The following TRAPPC8 variants were observed in gnomAD, a reference collection of about 807,000 sequenced individuals.
The protein encoded by TRAPPC8 is trafficking protein particle complex subunit 8.
In TRAPPC8, 54 loss-of-function variants were observed where a neutral mutation model predicts 174.3. That is an observed-to-expected ratio of 0.31 (90% CI 0.25 to 0.39). TRAPPC8 has a LOEUF of 0.39. TRAPPC8 is among the 10% of genes least tolerant of loss of function. The pLI is 1.00. For synonymous variants in TRAPPC8, 630 were observed against 579.9 expected (o/e 1.09, Z -1.24); for missense variants, 1,531 against 1,699.1 (o/e 0.90, Z 1.74).
At position 31,942,881 on chromosome 18, in the gene TRAPPC8, A is replaced by G. The variant is rs2084309496; in HGVS notation, c.-117T>C. 8.8e-6 allele frequency: 11 copies of G among 1,253,694 alleles called. No individual in the cohort carries two copies. The South Asian group carries it at 3.6e-4, about 41-fold the overall frequency. The allele number at this position is 1,253,694 out of a possible 1,614,324, so 77.7% of individuals were successfully genotyped here. A position where few individuals can be genotyped will look rare whatever the true frequency, so the allele number is the denominator to read the frequency against. ...CCTGGCCCGGCCGGGCGGGGCCCCGAACGCACTGGAGCCTAGAAACAAGAA... is the reference window on the plus strand; with the variant it reads ...CCTGGCCCGGCCGGGCGGGGCCCCGGACGCACTGGAGCCTAGAAACAAGAA... On this transcript the variant is annotated 5_prime_UTR_variant, in exon 1 of 29. Coordinates refer to ENST00000283351, the MANE Select transcript of TRAPPC8 (RefSeq NM_014939.5).
chr18:31,938,290 A>C (rs2038190390), intron 1 of TRAPPC8, among the ~76,000 whole-genome samples: 1 of 151,956 alleles, frequency 6.6e-6, no homozygotes, highest in Non-Finnish European at 1.5e-5. Context: ...TCAAACAATG[A>C]CTACATTAAC....
At position 31,941,269 on chromosome 18, in the gene TRAPPC8, CCT is replaced by C. The variant is rs748774873; in HGVS notation, c.157+1337_157+1338del. Among the ~76,000 whole-genome samples, 130 of 152,162 alleles carry C rather than the reference CCT, an allele frequency of 8.5e-4. 2 individuals carry two copies. The East Asian group carries it at 0.024, about 28-fold the overall frequency. The stretch of plus-strand genomic sequence containing the variant: ...ACCAACCTGACCAACATGGAGAAAC[CCT>C]GTCTCTACTAAAAATACAAAAATTA... On this transcript the variant is annotated intron_variant, in intron 1 of 28. Coordinates refer to ENST00000283351, the MANE Select transcript of TRAPPC8 (RefSeq NM_014939.5).
intron 12 of TRAPPC8, among the ~76,000 whole-genome samples, chr18:31,876,679 G>A (rs1247604137): frequency 6.6e-6 from 1 of 151,974 alleles, no homozygotes; most frequent in African/African-American, 2.4e-5. Flanking sequence ...GTTTGGCAGG[G>A]ATCGAGTGCT....
At chr18:31,887,816 T>G (rs190833042) in intron 12 of TRAPPC8, among the ~76,000 whole-genome samples, 61 of 151,982 alleles carry the variant, frequency 4.0e-4, no homozygotes, top group Middle Eastern at 3.4e-3. Context: ...CTCTCACCAC[T>G]GCTATTCAAC....
chr18:31,899,252 T>C (rs1012474647), intron 10 of TRAPPC8, among the ~76,000 whole-genome samples: 1 of 152,224 alleles, frequency 6.6e-6, no homozygotes, highest in African/African-American at 2.4e-5. Flanking sequence ...AAACCATTTA[T>C]CCCATATGGT....
intron 26 of TRAPPC8, among the ~76,000 whole-genome samples, chr18:31,844,790 ATTAC>A (rs1398182165): frequency 6.6e-6 from 1 of 152,104 alleles, no homozygotes; most frequent in Non-Finnish European, 1.5e-5. Context: ...CTCCGCACAA[ATTAC>A]TTACTATTAT....
intron 4 of TRAPPC8, among the ~76,000 whole-genome samples, chr18:31,915,243 C>T (rs1454463070): frequency 1.3e-5 from 2 of 152,004 alleles, no homozygotes; most frequent in East Asian, 3.9e-4. Context: ...CCAAGGCGGG[C>T]AGATCACCTG....
At chr18:31,848,060 A>T (rs1378675285) in intron 25 of TRAPPC8, among the ~76,000 whole-genome samples, 1 of 152,084 alleles carries the variant, frequency 6.6e-6, no homozygotes, top group African/African-American at 2.4e-5. Flanking sequence ...TAATCTAATG[A>T]ATCATTTTTA....
chr18:31,922,437 C>A (rs752727543), intron 2 of TRAPPC8, among the ~76,000 whole-genome samples: 2 of 150,702 alleles, frequency 1.3e-5, no homozygotes, highest in Non-Finnish European at 3.0e-5. Context: ...ACAAAAAGTA[C>A]AAAAATTAGT....
At chr18:31,884,770 G>T (rs543551648) in intron 12 of TRAPPC8, among the ~76,000 whole-genome samples, 13 of 152,182 alleles carry the variant, frequency 8.5e-5, no homozygotes, top group Non-Finnish European at 1.5e-4. Flanking sequence ...ACTTTGGGGG[G>T]CCAAGGTGGG....
chr18:31,851,639 G>C (rs1239335706), intron 24 of TRAPPC8, among the ~76,000 whole-genome samples: 1 of 151,866 alleles, frequency 6.6e-6, no homozygotes. Context: ...TTACAGGCAT[G>C]AGCCACCACA....
intron 12 of TRAPPC8, among the ~76,000 whole-genome samples, chr18:31,875,842 T>G (rs1482708215): frequency 6.6e-6 from 1 of 152,182 alleles, no homozygotes; most frequent in Non-Finnish European, 1.5e-5. Context: ...ATGTTCTCAC[T>G]CATATGTGGG....
chr18:31,839,313 T>G lies in TRAPPC8; in HGVS notation c.3982A>C (p.Ser1328Arg). ...TGGTAACAAAAATAAAGCTCAAACCTTTTTTGATGAAATGGATGATTAAAT... is the reference window on the plus strand; with the variant it reads ...TGGTAACAAAAATAAAGCTCAAACCGTTTTTGATGAAATGGATGATTAAAT... ...ESFNHPFHQK[S>R]LCLVPVTLLL... Residue 1328 changes from serine to arginine, a missense_variant and splice_region_variant, in exon 27 of 29, where the codon AGC (serine) becomes CGC (arginine). Coordinates refer to ENST00000283351, the MANE Select transcript of TRAPPC8 (RefSeq NM_014939.5). 2 of 1,593,214 alleles carry G rather than the reference T, an allele frequency of 1.3e-6. No individual in the cohort carries two copies. Among genetic ancestry groups the G allele is most frequent in the Non-Finnish European group, 1.7e-6 (2 of 1,172,576 alleles).
In TRAPPC8 at chr18:31,880,082, A is replaced by G. The variant is rs1230184684; in HGVS notation, c.1729-5378T>C. Among the ~76,000 whole-genome samples the G allele has an allele frequency of 6.2e-3, 243 of 39,446 alleles. 2 individuals carry two copies. Among genetic ancestry groups the G allele is most frequent in the African/African-American group, 0.036 (229 of 6,406 alleles). 25.9% of individuals were successfully genotyped at this position (39,446 alleles called of 152,430 possible). ...GGTACCAATTTTACTGAAACTATTG[A>G]AAAAAAAAATATATATATATATATA... On this transcript the variant is annotated intron_variant, in intron 12 of 28. Coordinates refer to ENST00000283351, the MANE Select transcript of TRAPPC8 (RefSeq NM_014939.5).
At position 31,832,114 on chromosome 18, in the gene TRAPPC8, A is replaced by G. The variant is rs2032408065; in HGVS notation, c.4043T>C (p.Val1348Ala). The change falls in exon 28 of 29, where the codon GTC (valine) becomes GCC (alanine). Residue 1348 changes from valine to alanine, a missense_variant. Physicochemically the swap from Val to Ala is moderately conservative, Grantham distance 64 (BLOSUM62 0). Transcript: ENST00000283351. ...LSNCSKADVD[V>A]IVDLRHKTTS... The stretch of plus-strand genomic sequence containing the variant: ...TGTTTTATGCCGAAGATCAACTATG[A>G]CATCTACATCAGCCTTAGAACAATT... 1.3e-6 allele frequency: 2 copies of G among 1,560,764 alleles called. No homozygotes were observed. The highest frequency in any genetic ancestry group is 1.7e-6 in the Non-Finnish European group (2 of 1,161,652).
chr18:31,832,760 T>C (rs751241243), intron 27 of TRAPPC8, among the ~76,000 whole-genome samples: 3 of 152,146 alleles, frequency 2.0e-5, no homozygotes, highest in Admixed American at 6.5e-5. Context: ...AAGGCAGTGA[T>C]AGAAGAGGAC....
At chr18:31,867,559 A>C in intron 16 of TRAPPC8, 83 bp from the exon 17 acceptor site, 4 of 901,530 alleles carry the variant, frequency 4.4e-6, no homozygotes, top group Non-Finnish European at 3.5e-6. Flanking sequence ...ATACTTCAAA[A>C]AAATAACACT....
chr18:31,850,886 G>A (rs906710685), intron 24 of TRAPPC8, among the ~76,000 whole-genome samples: 9 of 151,848 alleles, frequency 5.9e-5, no homozygotes, highest in African/African-American at 2.2e-4. Context: ...TGATGTTTCT[G>A]GGATTTTAAA....
At chr18:31,886,344 GGAAAAAAAA>G (rs1344771503) in intron 12 of TRAPPC8, among the ~76,000 whole-genome samples, 4 of 71,244 alleles carry the variant, frequency 5.6e-5, no homozygotes, top group African/African-American at 1.1e-4. Context: ...TGTTTCTTGA[GGAAAAAAAA>G]AAAAAAAAAA....
Sources: allele counts gnomAD v4.1 joint callset (sites outside exome capture counted in the v4.1 genomes callset), GRCh38; gene constraint gnomAD v4.1.1; transcripts MANE v1.5; gene names NCBI Gene and HGNC (gene_info 2026-07-23, HGNC 2026-07-21).